CHL1: variants seen among roughly 807,000 people sequenced by gnomAD.
The protein encoded by CHL1 is cell adhesion molecule L1 like.
In CHL1, 96 loss-of-function variants were observed where a neutral mutation model predicts 141.9. The ratio of observed to expected loss-of-function variants is 0.68; its 90% CI spans 0.57 to 0.80. CHL1 has a LOEUF of 0.80. Ranked by LOEUF, CHL1 falls within the 30% of genes least tolerant of loss-of-function variation. CHL1 has a pLI of 0.00. For missense variants in CHL1, 1,820 were observed against 1,457.2 expected, an observed-to-expected ratio of 1.25 and a Z score of -4.05; for synonymous variants, 613 against 502.2, an observed-to-expected ratio of 1.22 and a Z score of -2.95.
chr3:391,266 A>G, intron 22 of CHL1, 107 bp downstream of exon 22: 1 of 907,750 alleles, frequency 1.1e-6, no homozygotes, highest in Non-Finnish European at 1.7e-6. Context: ...TGTAAATCCC[A>G]GCACTTTGGG....
intron 2 of CHL1, among the ~76,000 whole-genome samples, chr3:253,394 A>G (rs1439238426): frequency 6.6e-6 from 1 of 152,164 alleles, no homozygotes; most frequent in Non-Finnish European, 1.5e-5. Context: ...GAATTATACC[A>G]GTACGTAAGC....
chr3:401,193 C>T (rs535884042), intron 26 of CHL1, among the ~76,000 whole-genome samples: 2 of 152,310 alleles, frequency 1.3e-5, no homozygotes, highest in South Asian at 4.1e-4. Context: ...TGAGCCACCA[C>T]ATCCAGCCTT....
intron 2 of CHL1, among the ~76,000 whole-genome samples, chr3:301,775 A>G (rs908410578): frequency 6.6e-6 from 1 of 152,194 alleles, no homozygotes; most frequent in Non-Finnish European, 1.5e-5. Flanking sequence ...TTATACTTTA[A>G]GTTCTGGGTT....
chr3:285,367 G>C (rs868002415), intron 2 of CHL1, among the ~76,000 whole-genome samples: 1 of 152,206 alleles, frequency 6.6e-6, no homozygotes, highest in Admixed American at 6.5e-5. Flanking sequence ...GCATTTAAAA[G>C]TAGTGTCACC....
intron 5 of CHL1, among the ~76,000 whole-genome samples, chr3:338,613 T>C (rs563346099): frequency 6.6e-6 from 1 of 152,236 alleles, no homozygotes; most frequent in Non-Finnish European, 1.5e-5. Context: ...GAAAAATTAA[T>C]GCCATTTATA....
intron 1 of CHL1, among the ~76,000 whole-genome samples, chr3:224,840 A>G (rs747104391): frequency 1.6e-4 from 24 of 152,354 alleles, no homozygotes; most frequent in Non-Finnish European, 2.6e-4. Flanking sequence ...GAAAATATCA[A>G]TTAAACAACT....
At chr3:289,415 T>G (rs1300851762) in intron 2 of CHL1, among the ~76,000 whole-genome samples, 1 of 149,062 alleles carries the variant, frequency 6.7e-6, no homozygotes, top group Non-Finnish European at 1.5e-5. Flanking sequence ...GTAATTGTGG[T>G]TTTTGCCATT....
intron 1 of CHL1, among the ~76,000 whole-genome samples, chr3:228,821 T>C (rs944375618): frequency 9.2e-5 from 14 of 152,182 alleles, no homozygotes; most frequent in South Asian, 4.1e-4. Flanking sequence ...AAATAGAATG[T>C]CTTCTGGTTC....
intron 1 of CHL1, among the ~76,000 whole-genome samples, chr3:239,348 G>C (rs1281293561): frequency 6.6e-6 from 1 of 152,106 alleles, no homozygotes; most frequent in Non-Finnish European, 1.5e-5. Flanking sequence ...AAGGCTACTT[G>C]ATTAGCTTAC....
At chr3:236,165 T>C (rs1691961338) in intron 1 of CHL1, among the ~76,000 whole-genome samples, 1 of 152,166 alleles carries the variant, frequency 6.6e-6, no homozygotes, top group Non-Finnish European at 1.5e-5. Context: ...TGTGATGAAT[T>C]GGCTATAGCT....
At chr3:363,165 C>G (rs370842441) in intron 13 of CHL1, 52 bp from the exon 14 acceptor site, 2 of 1,496,170 alleles carry the variant, frequency 1.3e-6, no homozygotes, top group East Asian at 2.3e-5. Context: ...TATTAAAAAG[C>G]GTATACAATT....
At chr3:227,771 C>A (rs968494139) in intron 1 of CHL1, among the ~76,000 whole-genome samples, 1 of 152,174 alleles carries the variant, frequency 6.6e-6, no homozygotes, top group South Asian at 2.1e-4. Context: ...TCACATCTTT[C>A]TACTCCTTGA....
At chr3:367,693 G>T (rs982437135) in intron 15 of CHL1, among the ~76,000 whole-genome samples, 7 of 151,806 alleles carry the variant, frequency 4.6e-5, no homozygotes, top group African/African-American at 1.7e-4. Flanking sequence ...TTAAAAAATG[G>T]GATACATGAA....
rs1296005521 is a variant in CHL1 at position 391,135 on chromosome 3, T to C, written c.2767T>C (p.Tyr923His). ...AGGAGCTGGTCCTGAAAGTGAGCCTTATATATTTCAAACACCAGAAGGAGG... is the reference window on the plus strand; with the variant it reads ...AGGAGCTGGTCCTGAAAGTGAGCCTCATATATTTCAAACACCAGAAGGAGG... ...SKGAGPESEPYIFQTPEGVPE... is the reference protein window; with the variant it reads ...SKGAGPESEPHIFQTPEGVPE... The change falls in exon 22 of 28, where the codon TAT becomes CAT. Residue 923 changes from tyrosine (Y) to histidine (H), a missense_variant. Physicochemically the swap from Tyr to His is moderately conservative, Grantham distance 83. Transcript: ENST00000256509. The C allele has an allele frequency of 6.2e-7, 1 of 1,613,104 alleles. No homozygotes were observed. Among genetic ancestry groups the C allele is most frequent in the African/African-American group, 1.3e-5 (1 of 75,026 alleles).
chr3:218,948 C>T (rs944996982), intron 1 of CHL1, among the ~76,000 whole-genome samples: 3 of 152,124 alleles, frequency 2.0e-5, no homozygotes, highest in South Asian at 2.1e-4. Flanking sequence ...AGATCGAGAC[C>T]GTCCTGGCTA....
chr3:383,315 A>G (rs947975960), intron 18 of CHL1, among the ~76,000 whole-genome samples: 3 of 152,160 alleles, frequency 2.0e-5, no homozygotes, highest in Non-Finnish European at 2.9e-5. Context: ...AATAAAACGA[A>G]TCCATCTAAA....
chr3:198,316 G>A (rs1172173971), intron 1 of CHL1, among the ~76,000 whole-genome samples: 1 of 151,964 alleles, frequency 6.6e-6, no homozygotes. Flanking sequence ...CCCCAGGGCC[G>A]GCGAGCGGCT....
At chr3:330,410 T>A (rs891737611) in intron 5 of CHL1, among the ~76,000 whole-genome samples, 1 of 152,102 alleles carries the variant, frequency 6.6e-6, no homozygotes, top group Admixed American at 6.6e-5. Flanking sequence ...GATCTTAGCT[T>A]ATTAGGTAAC....
At chr3:350,986 C>T (rs1268970311) in intron 10 of CHL1, among the ~76,000 whole-genome samples, 3 of 151,790 alleles carry the variant, frequency 2.0e-5, no homozygotes, top group African/African-American at 7.3e-5. Context: ...TTCTGTAACC[C>T]CCTCCTCCCC....
Sources: gnomAD v4.1 joint callset for allele counts (sites outside exome capture counted in the v4.1 genomes callset) on GRCh38, gnomAD v4.1.1 for gene constraint, MANE v1.5 for transcripts, NCBI Gene and HGNC (gene_info 2026-07-23, HGNC 2026-07-21) for gene names.